Variants in TENM2 observed in about 807,000 individuals in gnomAD.
The protein encoded by TENM2 is teneurin-2.
TENM2 carries 52 observed loss-of-function variants against 245.2 expected under a neutral mutation model. The observed-to-expected ratio is 0.21, with a 90% confidence interval of 0.17 to 0.27. The LOEUF is 0.27. TENM2 is among the 10% of genes least tolerant of loss of function. The pLI, the probability that TENM2 is intolerant of heterozygous loss-of-function variation, is 1.00. For synonymous variants in TENM2, 1,363 were observed against 1,438.9 expected (o/e 0.95, Z 1.19); for missense variants, 3,046 against 3,666.8 (o/e 0.83, Z 4.37).
chr5:167,928,986 G>A (rs1325642897), intron 3 of TENM2, among the ~76,000 whole-genome samples: 7 of 142,756 alleles, frequency 4.9e-5, no homozygotes, highest in Non-Finnish European at 6.1e-5. Context: ...GGAAGGGAGG[G>A]AGGGAAGGAG....
chr5:167,654,349 G>A (rs1754690842), intron 2 of TENM2, among the ~76,000 whole-genome samples: 2 of 152,134 alleles, frequency 1.3e-5, no homozygotes, highest in Admixed American at 1.3e-4. Flanking sequence ...AGGGGTCCAC[G>A]ATGAAGAAGC....
At chr5:167,840,425 A>G (rs1769395774) in intron 2 of TENM2, among the ~76,000 whole-genome samples, 2 of 152,210 alleles carry the variant, frequency 1.3e-5, no homozygotes, top group South Asian at 4.1e-4. Context: ...TCCCATACAG[A>G]TCCTGTTATA....
chr5:167,735,009 G>C (rs1005766372), intron 2 of TENM2, among the ~76,000 whole-genome samples: 1 of 152,180 alleles, frequency 6.6e-6, no homozygotes, highest in African/African-American at 2.4e-5. Flanking sequence ...GTTTAGGGTG[G>C]TGTAGACAAA....
the TENM2 span, among the ~76,000 whole-genome samples, chr5:167,249,091 C>G: frequency 0.011 from 1,681 of 152,196 alleles, 12 homozygotes; most frequent in Middle Eastern, 0.061. Flanking sequence ...AGTGGGAAAC[C>G]CAGCCAGCAT....
At chr5:167,265,746 A>G in the TENM2 span, among the ~76,000 whole-genome samples, 2 of 152,276 alleles carry the variant, frequency 1.3e-5, no homozygotes, top group South Asian at 2.1e-4. Flanking sequence ...GATTATGTCC[A>G]GAGTTTTCTG....
intron 4 of TENM2, among the ~76,000 whole-genome samples, chr5:167,981,979 C>CA (rs58295569): frequency 0.011 from 1,084 of 100,618 alleles, 13 homozygotes; most frequent in African/African-American, 0.034. Flanking sequence ...TGTTTCAGAC[C>CA]AAAAAAAAAA....
At chr5:168,193,788 T>C (rs1761151570) in intron 14 of TENM2, among the ~76,000 whole-genome samples, 2 of 152,226 alleles carry the variant, frequency 1.3e-5, no homozygotes, top group Non-Finnish European at 2.9e-5. Flanking sequence ...CTTAAAGAAA[T>C]CTTAGTCCGA....
chr5:167,464,608 A>G (rs2127498191), intron 2 of TENM2, among the ~76,000 whole-genome samples: 2 of 152,286 alleles, frequency 1.3e-5, no homozygotes, highest in Middle Eastern at 6.8e-3. Context: ...TTGAATTTTC[A>G]TTATAACATT....
At chr5:167,731,969 T>C (rs1298408496) in intron 2 of TENM2, among the ~76,000 whole-genome samples, 1 of 152,198 alleles carries the variant, frequency 6.6e-6, no homozygotes, top group Non-Finnish European at 1.5e-5. Context: ...CATGATAATA[T>C]TGTGAGCAAA....
At chr5:167,484,656 C>T (rs1490791819) in intron 2 of TENM2, among the ~76,000 whole-genome samples, 3 of 152,134 alleles carry the variant, frequency 2.0e-5, no homozygotes, top group African/African-American at 7.2e-5. Flanking sequence ...CAGTGTCTTA[C>T]AACAATGAAC....
the TENM2 span, among the ~76,000 whole-genome samples, chr5:167,156,726 G>A: frequency 6.6e-6 from 1 of 152,044 alleles, no homozygotes; most frequent in Non-Finnish European, 1.5e-5. Flanking sequence ...ACTCAAAGAG[G>A]GCAAAATGCA....
intron 1 of TENM2, among the ~76,000 whole-genome samples, chr5:167,352,863 G>A (rs1759013924): frequency 6.6e-6 from 1 of 152,162 alleles, no homozygotes; most frequent in Non-Finnish European, 1.5e-5. Flanking sequence ...CAAGTAAGCT[G>A]TCTATCACCA....
At chr5:167,801,109 A>AAAAT (rs1444227809) in intron 2 of TENM2, among the ~76,000 whole-genome samples, 65 of 66,534 alleles carry the variant, frequency 9.8e-4, no homozygotes, top group Admixed American at 1.3e-3. Context: ...AAAAAAAAAA[A>AAAAT]ATATATATAT....
At chr5:168,260,535 C>A in intron 28 of TENM2, 122 bp downstream of exon 30, 3 of 1,157,196 alleles carry the variant, frequency 2.6e-6, no homozygotes, top group South Asian at 1.5e-5. Flanking sequence ...ATAAAAGGTG[C>A]AGGACACATT....
intron 13 of TENM2, among the ~76,000 whole-genome samples, chr5:168,183,621 T>G (rs1039045302): frequency 6.6e-6 from 1 of 152,124 alleles, no homozygotes; most frequent in Non-Finnish European, 1.5e-5. Context: ...ACAACCAGAT[T>G]TCATCTTTCT....
intron 9 of TENM2, among the ~76,000 whole-genome samples, chr5:168,108,359 T>C (rs1794416981): frequency 6.6e-6 from 1 of 152,238 alleles, no homozygotes; most frequent in African/African-American, 2.4e-5. Flanking sequence ...TTATTGCTGC[T>C]CTAGTTAACT....
chr5:167,293,027 A>C (rs980378093), intron 1 of TENM2, among the ~76,000 whole-genome samples: 1 of 152,206 alleles, frequency 6.6e-6, no homozygotes, highest in Non-Finnish European at 1.5e-5. Context: ...TGGCAGAGAG[A>C]GACAGTCATG....
chr5:167,993,679 C>G (rs1783838539), intron 5 of TENM2, among the ~76,000 whole-genome samples: 1 of 152,218 alleles, frequency 6.6e-6, no homozygotes, highest in Non-Finnish European at 1.5e-5. Flanking sequence ...ACAGGACTGA[C>G]AGGCTGGAGC....
the TENM2 span, among the ~76,000 whole-genome samples, chr5:167,250,943 G>A: frequency 1.3e-5 from 2 of 151,972 alleles, no homozygotes; most frequent in African/African-American, 4.8e-5. Context: ...GGATGGTGTT[G>A]GTTTTATTTG....
Sources: gnomAD v4.1 joint callset for allele counts (sites outside exome capture counted in the v4.1 genomes callset) on GRCh38, gnomAD v4.1.1 for gene constraint, MANE v1.5 for transcripts, NCBI Gene and HGNC (gene_info 2026-07-23, HGNC 2026-07-21) for gene names.